The following PCDH15 variants were observed in gnomAD, a reference collection of about 807,000 sequenced individuals.
The protein encoded by PCDH15 is protocadherin related 15, also known as protocadherin-15.
Under a neutral mutation model 178.5 loss-of-function variants are expected in PCDH15, and 129 were observed. The observed-to-expected ratio is 0.72, with a 90% CI of 0.63 to 0.84. The LOEUF is 0.84. PCDH15 is among the 40% of genes least tolerant of loss of function. The probability of loss-of-function intolerance (pLI) is 0.00; values close to 1 mark genes in which losing one functional copy is unlikely to be tolerated. For synonymous variants in PCDH15, 800 were observed against 732.0 expected (o/e 1.09, Z -1.50); for missense variants, 2,230 against 2,099.9 (o/e 1.06, Z -1.21).
intron 2 of PCDH15, among the ~76,000 whole-genome samples, chr10:54,963,125 C>T (rs1415758123): frequency 1.3e-5 from 2 of 152,092 alleles, no homozygotes; most frequent in Non-Finnish European, 2.9e-5. Context: ...TTATCAGGTG[C>T]TTTATGAAAT....
At chr10:55,003,117 A>G (rs1002109601) in intron 2 of PCDH15, among the ~76,000 whole-genome samples, 7 of 152,110 alleles carry the variant, frequency 4.6e-5, no homozygotes, top group Admixed American at 2.6e-4. Context: ...AATTTTTTAT[A>G]TGCCACAGAA....
chr10:54,824,822 A>C (rs1953099419), intron 3 of PCDH15, among the ~76,000 whole-genome samples: 1 of 152,118 alleles, frequency 6.6e-6, no homozygotes, highest in Admixed American at 6.6e-5. Context: ...ATGTTATGTT[A>C]TCTTTCTTTA....
chr10:54,596,846 G>A (rs2092266450), intron 2 of PCDH15, among the ~76,000 whole-genome samples: 1 of 151,986 alleles, frequency 6.6e-6, no homozygotes, highest in South Asian at 2.1e-4. Context: ...ATAAGAAATG[G>A]CAAAGAAGGG....
chr10:54,046,317 G>T (rs2093654611), intron 18 of PCDH15, among the ~76,000 whole-genome samples: 1 of 152,142 alleles, frequency 6.6e-6, no homozygotes, highest in Non-Finnish European at 1.5e-5. Flanking sequence ...TCAGGCACAT[G>T]AGCGCCAGGA....
At chr10:55,467,336 G>C (rs937544713) in intron 2 of PCDH15, among the ~76,000 whole-genome samples, 1 of 149,620 alleles carries the variant, frequency 6.7e-6, no homozygotes, top group African/African-American at 2.5e-5. Context: ...AGAGGAAAAG[G>C]AAACAGGAGG....
At chr10:54,674,817 T>A (rs2094751805) in intron 1 of PCDH15, among the ~76,000 whole-genome samples, 1 of 152,104 alleles carries the variant, frequency 6.6e-6, no homozygotes, top group Admixed American at 6.5e-5. Context: ...TTCAAACTCA[T>A]GTTGTCCAAG....
At chr10:54,843,298 A>G (rs1675306445) in intron 3 of PCDH15, among the ~76,000 whole-genome samples, 1 of 151,988 alleles carries the variant, frequency 6.6e-6, no homozygotes, top group South Asian at 2.1e-4. Context: ...AGCCAAACAA[A>G]GGTACCTCCT....
chr10:55,547,916 A>AGAGAGAGAGAGAGAGAGAGG (rs1841923211), intron 2 of PCDH15, among the ~76,000 whole-genome samples: 1 of 74,498 alleles, frequency 1.3e-5, no homozygotes, highest in Non-Finnish European at 2.6e-5. Context: ...TGTGTGAGAG[A>AGAGAGAGAGAGAGAGAGAGG]GAGAGAGAGA....
chr10:55,205,458 A>G (rs1207520943), intron 1 of PCDH15, among the ~76,000 whole-genome samples: 2 of 152,070 alleles, frequency 1.3e-5, no homozygotes, highest in African/African-American at 2.4e-5. Flanking sequence ...TAATATATAT[A>G]TGTGTGTGTT....
At chr10:54,383,399 T>A (rs957469361) in intron 3 of PCDH15, among the ~76,000 whole-genome samples, 8 of 152,146 alleles carry the variant, frequency 5.3e-5, no homozygotes, top group African/African-American at 1.7e-4. Context: ...GTCATACTAC[T>A]AAGATCAAAA....
chr10:54,894,227 A>T (rs2131819032), intron 3 of PCDH15, among the ~76,000 whole-genome samples: 1 of 152,260 alleles, frequency 6.6e-6, no homozygotes, highest in African/African-American at 2.4e-5. Context: ...GTGCATTCAT[A>T]AAGCAATATA....
chr10:55,541,858 T>A (rs1841766485), intron 2 of PCDH15, among the ~76,000 whole-genome samples: 2 of 151,984 alleles, frequency 1.3e-5, no homozygotes, highest in South Asian at 4.1e-4. Flanking sequence ...TAGCCACCTC[T>A]CTCAGAAGCA....
At chr10:55,557,016 G>A (rs906041190) in intron 2 of PCDH15, among the ~76,000 whole-genome samples, 1 of 152,052 alleles carries the variant, frequency 6.6e-6, no homozygotes, top group Non-Finnish European at 1.5e-5. Flanking sequence ...TGAGTTCTCT[G>A]TATATTCTGG....
At chr10:55,122,224 C>T (rs1364593382) in intron 2 of PCDH15, among the ~76,000 whole-genome samples, 3 of 152,110 alleles carry the variant, frequency 2.0e-5, no homozygotes, top group Non-Finnish European at 4.4e-5. Flanking sequence ...ATGGGATTTT[C>T]TTTCCAAATC....
At chr10:55,273,548 G>T (rs145955007) in intron 1 of PCDH15, among the ~76,000 whole-genome samples, 4 of 151,936 alleles carry the variant, frequency 2.6e-5, no homozygotes, top group African/African-American at 9.7e-5. Context: ...TGGGCAAGGG[G>T]GTGTGTGTGA....
At chr10:54,048,585 G>A (rs2093702341) in intron 18 of PCDH15, among the ~76,000 whole-genome samples, 1 of 152,124 alleles carries the variant, frequency 6.6e-6, no homozygotes, top group African/African-American at 2.4e-5. Flanking sequence ...CATACTGAAA[G>A]GGAGGAGTGC....
At chr10:54,750,217 C>T (rs535848794) in intron 1 of PCDH15, among the ~76,000 whole-genome samples, 8 of 151,832 alleles carry the variant, frequency 5.3e-5, no homozygotes, top group Non-Finnish European at 7.4e-5. Flanking sequence ...TTTATAAAAC[C>T]GTAGAGATGG....
chr10:54,390,959 G>C (rs1950482513), intron 3 of PCDH15, among the ~76,000 whole-genome samples: 2 of 152,172 alleles, frequency 1.3e-5, no homozygotes, highest in Admixed American at 6.5e-5. Flanking sequence ...CAAAAGGGTT[G>C]AGAGTTCCAA....
intron 1 of PCDH15, among the ~76,000 whole-genome samples, chr10:55,197,967 A>C (rs951790327): frequency 2.0e-5 from 3 of 152,162 alleles, no homozygotes; most frequent in Admixed American, 6.5e-5. Context: ...GGCTGAATAT[A>C]ATGTGCTGAA....
Sources: gnomAD v4.1 joint callset for allele counts (sites outside exome capture counted in the v4.1 genomes callset) on GRCh38, gnomAD v4.1.1 for gene constraint, MANE v1.5 for transcripts, NCBI Gene and HGNC (gene_info 2026-07-23, HGNC 2026-07-21) for gene names.